FBXO11: variants seen among roughly 807,000 people sequenced by gnomAD.
The protein encoded by FBXO11 is F-box only protein 11.
In FBXO11, 13 loss-of-function variants were observed where a neutral mutation model predicts 117.0. That is an observed-to-expected ratio of 0.11 (90% CI 0.07 to 0.18). FBXO11 has a LOEUF of 0.18. FBXO11 is among the 10% of genes least tolerant of loss of function. The pLI is 1.00. For synonymous variants in FBXO11, 490 were observed against 380.5 expected (o/e 1.29, Z -3.35); for missense variants, 767 against 1,164.4 (o/e 0.66, Z 4.97).
intron 1 of FBXO11, among the ~76,000 whole-genome samples, chr2:47,903,513 A>T (rs561215842): frequency 1.3e-5 from 2 of 152,256 alleles, no homozygotes; most frequent in African/African-American, 2.4e-5. Context: ...AAATGAAAAT[A>T]GACCTCAGTA....
At chr2:47,816,471 T>A (rs764738923) in intron 16 of FBXO11, among the ~76,000 whole-genome samples, 1 of 152,098 alleles carries the variant, frequency 6.6e-6, no homozygotes, top group Non-Finnish European at 1.5e-5. Context: ...CTTTTTCAGA[T>A]CTCCTCCCAG....
chr2:47,873,976 A>T (rs1224912200), intron 1 of FBXO11, among the ~76,000 whole-genome samples: 1 of 151,970 alleles, frequency 6.6e-6, no homozygotes, highest in Non-Finnish European at 1.5e-5. Context: ...GCCCTTTGGG[A>T]GGCCGAGGTG....
chr2:47,845,067 T>C (rs1374233641), intron 1 of FBXO11, among the ~76,000 whole-genome samples: 2 of 152,152 alleles, frequency 1.3e-5, no homozygotes, highest in African/African-American at 2.4e-5. Context: ...TTCTCAAACT[T>C]TTCATCCTAT....
chr2:47,884,897 T>C (rs1356650114), intron 1 of FBXO11, among the ~76,000 whole-genome samples: 3 of 152,282 alleles, frequency 2.0e-5, no homozygotes, highest in Admixed American at 2.0e-4. Context: ...TTGTTATGCA[T>C]AATATATTAA....
chr2:47,870,931 T>C lies in FBXO11; in HGVS notation c.233-31162A>G, dbSNP rs527450774. ...GTCTAAAAATGAAATTACTGGATCA[T>C]AGGACATGCACATACTACTACTTGA... On this transcript the variant is annotated intron_variant, in intron 1 of 22. Transcript: ENST00000403359. Among the ~76,000 whole-genome samples the C allele has an allele frequency of 9.5e-4, 144 of 152,330 alleles. 1 individual carries two copies. Among genetic ancestry groups the C allele is most frequent in the African/African-American group, 3.2e-3 (135 of 41,584 alleles).
In FBXO11 at chr2:47,902,333, G is replaced by T. The variant is rs187957372; in HGVS notation, c.232+3156C>A. Among the ~76,000 whole-genome samples, 436 of 152,306 alleles carry T rather than the reference G, an allele frequency of 2.9e-3. 3 individuals carry two copies. Among genetic ancestry groups the T allele is most frequent in the African/African-American group, 0.01 (421 of 41,566 alleles). On this transcript the variant is annotated intron_variant, in intron 1 of 22. Coordinates refer to ENST00000403359, the MANE Select transcript of FBXO11 (RefSeq NM_001190274.2). ...GCTAGTATTTAGTCTTAGGATAGCT[G>T]ATCATTTCAGCTAACGAGTGAACAC...
At chr2:47,899,364 C>A (rs1233405879) in intron 1 of FBXO11, among the ~76,000 whole-genome samples, 3 of 151,670 alleles carry the variant, frequency 2.0e-5, no homozygotes, top group African/African-American at 7.3e-5. Flanking sequence ...AATTTTATCT[C>A]TTGGGTTTAA....
Position 47,890,079 on chromosome 2 carries a change from T to C in FBXO11, c.232+15410A>G, listed in dbSNP as rs762908716. ...AATCCTACTGCCTCAGTCTCCTGAG[T>C]AGCTAGGACTACAGGTACATGCCAC... On this transcript the variant is annotated intron_variant, in intron 1 of 22. Coordinates refer to ENST00000403359, the MANE Select transcript of FBXO11 (RefSeq NM_001190274.2). Among the ~76,000 whole-genome samples, 7 of 152,250 alleles carry C rather than the reference T, an allele frequency of 4.6e-5. No homozygotes were observed. The East Asian group carries it at 1.2e-3, about 25-fold the overall frequency.
chr2:47,811,852 C>T (rs1670636277), intron 18 of FBXO11, among the ~76,000 whole-genome samples: 1 of 152,188 alleles, frequency 6.6e-6, no homozygotes, highest in Non-Finnish European at 1.5e-5. Flanking sequence ...AGTGATACTC[C>T]TGCCTTAGCC....
intron 16 of FBXO11, among the ~76,000 whole-genome samples, chr2:47,816,406 C>G (rs917445912): frequency 1.3e-5 from 2 of 152,128 alleles, no homozygotes; most frequent in African/African-American, 2.4e-5. Flanking sequence ...ATCTTGAACT[C>G]CTGGCCTCAG....
chr2:47,820,338 A>G (rs1394186025), intron 14 of FBXO11, 24 bp downstream of exon 14: 2 of 1,582,596 alleles, frequency 1.3e-6, no homozygotes, highest in South Asian at 2.2e-5. Flanking sequence ...ATGAGTTTAT[A>G]GGGAACTATA....
Position 47,810,309 on chromosome 2 carries a change from T to C in FBXO11, c.2338+7A>G, listed in dbSNP as rs766372444. 1 of 1,580,676 alleles carries C rather than the reference T, an allele frequency of 6.3e-7. No individual in the cohort carries two copies. Among genetic ancestry groups the C allele is most frequent in the Non-Finnish European group, 8.6e-7 (1 of 1,158,252 alleles). ...ATAAGCCACAGGTAAGAAAAGAAAA[T>C]ACAAACCTGCGGCAAATCCATCAAA... On this transcript the variant is annotated splice_region_variant and intron_variant, in intron 19 of 22. Coordinates refer to ENST00000403359, the MANE Select transcript of FBXO11 (RefSeq NM_001190274.2).
chr2:47,866,472 TTG>T (rs1322974196), intron 1 of FBXO11, among the ~76,000 whole-genome samples: 2 of 151,670 alleles, frequency 1.3e-5, no homozygotes, highest in African/African-American at 4.8e-5. Flanking sequence ...GCTAGCAAGT[TTG>T]TTTTTTTTTT....
At chr2:47,869,037 TGGCAATACTTTGTA>T (rs1432237424) in intron 1 of FBXO11, among the ~76,000 whole-genome samples, 1 of 152,162 alleles carries the variant, frequency 6.6e-6, no homozygotes. Context: ...GTTAGCTAGG[TGGCAATACTTTGTA>T]GGGTTGAGGC....
At chr2:47,809,331 A>ATAG in intron 20 of FBXO11, 65 bp from the exon 21 acceptor site, 1 of 1,061,210 alleles carries the variant, frequency 9.4e-7, no homozygotes, top group Non-Finnish European at 1.4e-6. Context: ...ACCAAAGATT[A>ATAG]TAGGATTATT....
intron 1 of FBXO11, among the ~76,000 whole-genome samples, chr2:47,850,491 G>A (rs968833881): frequency 3.3e-5 from 5 of 152,130 alleles, no homozygotes; most frequent in African/African-American, 4.8e-5. Flanking sequence ...ATGTACATAT[G>A]GTACAATACT....
chr2:47,842,135 C>G (rs564336326), intron 1 of FBXO11, among the ~76,000 whole-genome samples: 1 of 151,952 alleles, frequency 6.6e-6, no homozygotes, highest in African/African-American at 2.4e-5. Flanking sequence ...CCGGCCTCAG[C>G]CTCCCGAGTA....
At chr2:47,874,932 G>C (rs966749231) in intron 1 of FBXO11, among the ~76,000 whole-genome samples, 7 of 132,870 alleles carry the variant, frequency 5.3e-5, no homozygotes, top group African/African-American at 2.0e-4. Flanking sequence ...AAATATTCCT[G>C]TTGAATGACT....
At chr2:47,878,353 T>G (rs1332423878) in intron 1 of FBXO11, among the ~76,000 whole-genome samples, 1 of 152,010 alleles carries the variant, frequency 6.6e-6, no homozygotes. Flanking sequence ...CCTTGCCTTT[T>G]GTTCTTTTTT....
Sources: allele counts gnomAD v4.1 joint callset (sites outside exome capture counted in the v4.1 genomes callset), GRCh38; gene constraint gnomAD v4.1.1; transcripts MANE v1.5; gene names NCBI Gene and HGNC (gene_info 2026-07-23, HGNC 2026-07-21).